Variants in PLXNB2 observed in about 807,000 individuals in gnomAD.
PLXNB2 encodes plexin-B2.
In PLXNB2, 85 loss-of-function variants were observed where a neutral mutation model predicts 202.6. That is an observed-to-expected ratio of 0.42 (90% CI 0.35 to 0.50). The LOEUF is 0.50. Among genes scored for constraint, PLXNB2 ranks in the 20% least tolerant of loss-of-function variants. The pLI is 0.02. For synonymous variants in PLXNB2, 1,239 were observed against 1,137.6 expected (o/e 1.09, Z -1.79); for missense variants, 2,063 against 2,586.2 (o/e 0.80, Z 4.39).
Position 50,288,418 on chromosome 22 carries a change from C to T in PLXNB2, c.1380+325G>A, listed in dbSNP as rs1458896543. Among the ~76,000 whole-genome samples the T allele has an allele frequency of 2.6e-5, 4 of 152,198 alleles. No homozygotes were observed. On this transcript the variant is annotated intron_variant, in intron 5 of 36. Coordinates refer to ENST00000359337, the MANE Select transcript of PLXNB2 (RefSeq NM_012401.4). The surrounding 1 kb of genome is among the most constrained non-coding windows in gnomAD (Gnocchi z 5.0). The stretch of plus-strand genomic sequence containing the variant: ...ATGGGCTGTGCAGGGACCCCGTCTT[C>T]CCATCCACCCTCAGCAACACGCCTC...
chr22:50,293,242 G>C (rs2067012464), intron 2 of PLXNB2, among the ~76,000 whole-genome samples: 1 of 152,212 alleles, frequency 6.6e-6, no homozygotes, highest in Non-Finnish European at 1.5e-5. Context: ...GGCCTGTCCA[G>C]GGGAGAGGAG....
In PLXNB2 at chr22:50,289,259, C is replaced by T. The variant is rs560990315; in HGVS notation, c.1069-117G>A. On this transcript the variant is annotated intron_variant, in intron 3 of 36. Coordinates refer to ENST00000359337, the MANE Select transcript of PLXNB2 (RefSeq NM_012401.4). The surrounding 1 kb of genome is among the most constrained non-coding windows in gnomAD (Gnocchi z 8.0). Reference sequence around the variant, plus strand: ...TTCCCTCCGGCACACGTCCTACACACGTCCCCGAGAACAGAACCCACATGG... The same window carrying T: ...TTCCCTCCGGCACACGTCCTACACATGTCCCCGAGAACAGAACCCACATGG... The T allele has an allele frequency of 2.4e-5, 25 of 1,032,086 alleles. No individual in the cohort carries two copies. Among genetic ancestry groups the T allele is most frequent in the East Asian group, 2.4e-4 (9 of 38,122 alleles). The allele number at this position is 1,032,086 out of a possible 1,614,324, so 63.9% of individuals were successfully genotyped here. A position where few individuals can be genotyped will look rare whatever the true frequency, so the allele number is the denominator to read the frequency against.
At chr22:50,290,810 C>T (rs770296977) in intron 2 of PLXNB2, among the ~76,000 whole-genome samples, 2 of 152,200 alleles carry the variant, frequency 1.3e-5, no homozygotes, top group South Asian at 4.1e-4. Context: ...TCAAGTCCAC[C>T]CTGACTGACC....
chr22:50,286,484 C>T (rs1489332467), intron 8 of PLXNB2, among the ~76,000 whole-genome samples, 197 bp from the exon 9 acceptor site: 2 of 152,276 alleles, frequency 1.3e-5, no homozygotes, highest in South Asian at 2.1e-4. Context: ...CCAGGACGCC[C>T]GTTCACGCTG....
At position 50,279,768 on chromosome 22, in the gene PLXNB2, G is replaced by C. The variant is rs546497649; in HGVS notation, c.4251C>G (p.Ala1417=). 3 of 1,613,838 alleles carry C rather than the reference G, an allele frequency of 1.9e-6. No individual in the cohort carries two copies. The African/African-American group carries it at 4.0e-5, about 22-fold the overall frequency. ...TGAAGAGCTTGTACAGGGGCTCCCC[G>C]GCACTGTCCTGGAGTAACACGGAGG... is the stretch of plus-strand genomic sequence containing the variant. ...ICLYQYLKDS[A]GEPLYKLFKA... The change falls in exon 27 of 37, where the codon GCC becomes GCG. Residue 1417 remains alanine (A), a synonymous_variant. Coordinates refer to ENST00000359337, the MANE Select transcript of PLXNB2 (RefSeq NM_012401.4).
At position 50,279,599 on chromosome 22, in the gene PLXNB2, G is replaced by A. The variant is rs762644685; in HGVS notation, c.4389+31C>T. 326 of 1,608,760 alleles carry A rather than the reference G, an allele frequency of 2.0e-4. 1 individual carries two copies. Among genetic ancestry groups the A allele is most frequent in the Middle Eastern group, 3.3e-4 (2 of 6,060 alleles). On this transcript the variant is annotated intron_variant, in intron 27 of 36. Transcript: ENST00000359337. ...AAGCTCCTTAGCCCAGATCCGAGGC[G>A]CCCATGGCGGCCCCCACCCCAGAAG...
At position 50,282,866 on chromosome 22, in the gene PLXNB2, C is replaced by T. The variant is rs202205385; in HGVS notation, c.2832G>A (p.Ala944=). 1.1e-3 allele frequency: 1,731 copies of T among 1,609,590 alleles called. 30 individuals are homozygous for T. In the South Asian group the frequency reaches 0.018, roughly 16 times the overall value. Residue 944 remains alanine (A), a synonymous_variant, in exon 18 of 37, where the codon GCG becomes GCA. Transcript: ENST00000359337. ...GVPCKVTKFG[A]QLQCVTGPQA... ...GGGGGCCAGTGACACACTGGAGCTG[C>T]GCCCCAAACTTCGTCCTGGGGGAGG...
At position 50,284,114 on chromosome 22, in the gene PLXNB2, T is replaced by C. The variant is rs1398703258; in HGVS notation, c.2263+18A>G. Reference sequence around the variant, plus strand: ...CACCCGTCCCCTGCCCGCCCCCCACTGCGCCCGTGGCCCCCACCATGGAGC... The same window carrying C: ...CACCCGTCCCCTGCCCGCCCCCCACCGCGCCCGTGGCCCCCACCATGGAGC... On this transcript the variant is annotated intron_variant, in intron 13 of 36. Coordinates refer to ENST00000359337, the MANE Select transcript of PLXNB2 (RefSeq NM_012401.4). This position sits in a 1 kb window ranked among gnomAD's most constrained non-coding sequence, Gnocchi z 8.0. 4 of 705,996 alleles carry C rather than the reference T, an allele frequency of 5.7e-6. No individual in the cohort carries two copies. The highest frequency in any genetic ancestry group is 2.5e-5 in the African/African-American group (1 of 40,146). The allele number at this position is 705,996 out of a possible 1,614,324, so 43.7% of individuals were successfully genotyped here. A position where few individuals can be genotyped will look rare whatever the true frequency, so the allele number is the denominator to read the frequency against.
intron 1 of PLXNB2, among the ~76,000 whole-genome samples, chr22:50,296,400 T>C (rs2067274396): frequency 6.9e-6 from 1 of 144,954 alleles, no homozygotes; most frequent in African/African-American, 2.9e-5. Flanking sequence ...ACTCTAAGAT[T>C]AAAGCAAAAC....
At chr22:50,276,428 C>CTGTGGGTGGAGCCACAGGGACGGGCG (rs1241670592) in intron 35 of PLXNB2, among the ~76,000 whole-genome samples, 1 of 151,926 alleles carries the variant, frequency 6.6e-6, no homozygotes. Flanking sequence ...GTGGGCAGGG[C>CTGTGGGTGGAGCCACAGGGACGGGCG]CTGGCTCCAA....
intron 7 of PLXNB2, 62 bp downstream of exon 7, chr22:50,287,605 G>C: frequency 6.9e-7 from 1 of 1,448,014 alleles, no homozygotes; most frequent in Non-Finnish European, 9.3e-7. Context: ...CTCCCAGCAT[G>C]GGGGAGCCCC....
intron 25 of PLXNB2, 46 bp downstream of exon 25, chr22:50,280,443 C>T (rs368705926): frequency 3.3e-5 from 51 of 1,538,512 alleles, no homozygotes; most frequent in East Asian, 3.0e-4. Context: ...AGAGCCCCTG[C>T]GGCCGCCCCG....
rs578011591 is a variant in PLXNB2, at chr22:50,287,765, C to T, written c.1510G>A (p.Ala504Thr). The part of the protein sequence containing the change: ...RCTRKAECPR[A>T]EEASHWLWSR... Reference sequence around the variant, plus strand: ...CACAGCCAGTGGCTGGCCTCCTCGGCCCGCGGACACTCGGCCTTCCGGGTG... The same window carrying T: ...CACAGCCAGTGGCTGGCCTCCTCGGTCCGCGGACACTCGGCCTTCCGGGTG... Residue 504 changes from alanine (A) to threonine (T), a missense_variant, in exon 7 of 37, where the codon GCC becomes ACC. Physicochemically the swap from Ala to Thr is moderately conservative, Grantham distance 58 (BLOSUM62 0). Coordinates refer to ENST00000359337, the MANE Select transcript of PLXNB2 (RefSeq NM_012401.4). 49 of 1,581,516 alleles carry T rather than the reference C, an allele frequency of 3.1e-5. No individual in the cohort carries two copies. The African/African-American group carries it at 6.0e-4, about 19-fold the overall frequency.
In PLXNB2 at chr22:50,284,978, C is replaced by T; in HGVS notation, c.2089-313G>A. The T allele has an allele frequency of 4.0e-6, 2 of 500,884 alleles. No individual in the cohort carries two copies. The highest frequency in any genetic ancestry group is 7.9e-6 in the Non-Finnish European group (2 of 252,252). The allele number at this position is 500,884 out of a possible 1,614,324, so 31.0% of individuals were successfully genotyped here. Reference sequence around the variant, plus strand: ...ACAGCTCCCTCCTCAGGAGGTGGCACTGGCCCCTCAATCTCCACACGCCTG... The same window carrying T: ...ACAGCTCCCTCCTCAGGAGGTGGCATTGGCCCCTCAATCTCCACACGCCTG... On this transcript the variant is annotated intron_variant, in intron 11 of 36. Coordinates refer to ENST00000359337, the MANE Select transcript of PLXNB2 (RefSeq NM_012401.4). The surrounding 1 kb of genome is among the most constrained non-coding windows in gnomAD (Gnocchi z 8.0).
At chr22:50,303,645 C>T (rs148101839) in intron 1 of PLXNB2, among the ~76,000 whole-genome samples, 1 of 152,266 alleles carries the variant, frequency 6.6e-6, no homozygotes, top group Non-Finnish European at 1.5e-5. Flanking sequence ...CGGGACTCAG[C>T]TGGGGCAGCA....
Position 50,276,528 on chromosome 22 carries a change from C to T in PLXNB2, c.5337+101G>A, listed in dbSNP as rs917223732. 27 of 1,046,386 alleles carry T rather than the reference C, an allele frequency of 2.6e-5. No individual in the cohort carries two copies. In the Admixed American group the frequency reaches 3.9e-4, roughly 15 times the overall value. The allele number at this position is 1,046,386 out of a possible 1,614,324, so 64.8% of individuals were successfully genotyped here. A position where few individuals can be genotyped will look rare whatever the true frequency, so the allele number is the denominator to read the frequency against. ...AGGTCCCGCCCCACCCTCTCTCCCC[C>T]TCAGCACCACATTACCCCTGCCCTG... On this transcript the variant is annotated intron_variant, in intron 35 of 36. Transcript: ENST00000359337.
chr22:50,280,299 G>A (rs1204400546), intron 25 of PLXNB2, among the ~76,000 whole-genome samples, 190 bp downstream of exon 25: 1 of 152,214 alleles, frequency 6.6e-6, no homozygotes, highest in African/African-American at 2.4e-5. Flanking sequence ...CCGCTGGACA[G>A]GAAGGGCTAG....
chr22:50,301,372 C>G, intron 1 of PLXNB2: 1 of 982,614 alleles, frequency 1.0e-6, no homozygotes, highest in Non-Finnish European at 1.2e-6. Context: ...TCCTGAGGAC[C>G]TCCTGTGGGA....
At chr22:50,301,729 G>T (rs760419048) in intron 1 of PLXNB2, among the ~76,000 whole-genome samples, 1 of 152,250 alleles carries the variant, frequency 6.6e-6, no homozygotes, top group Admixed American at 6.5e-5. Context: ...GTGGGCGTTG[G>T]GGGGTGGACG....
Sources: allele counts gnomAD v4.1 joint callset (sites outside exome capture counted in the v4.1 genomes callset), GRCh38; gene constraint gnomAD v4.1.1; non-coding constraint Gnocchi (gnomAD v3.1); transcripts MANE v1.5; gene names NCBI Gene and HGNC (gene_info 2026-07-23, HGNC 2026-07-21).